Variants in LUZP2 observed in about 807,000 individuals in gnomAD.
LUZP2 encodes leucine zipper protein 2.
A neutral mutation model predicts 51.6 loss-of-function variants in LUZP2; 52 were observed. The ratio of observed to expected loss-of-function variants is 1.01; its 90% CI spans 0.81 to 1.27. The LOEUF (loss-of-function observed/expected upper bound fraction) is 1.27. Ranked by LOEUF, LUZP2 falls within the 50% of genes most tolerant of loss-of-function variation. The pLI, the probability that LUZP2 is intolerant of heterozygous loss-of-function variation, is 0.00. For synonymous variants in LUZP2, 154 were observed against 137.3 expected, an observed-to-expected ratio of 1.12 and a Z score of -0.85; for missense variants, 436 against 395.4, an observed-to-expected ratio of 1.10 and a Z score of -0.87.
chr11:24,817,925 G>C (rs1434202055), intron 5 of LUZP2, among the ~76,000 whole-genome samples: 1 of 151,978 alleles, frequency 6.6e-6, no homozygotes, highest in Admixed American at 6.6e-5. Context: ...CAAATATGTA[G>C]ATAATAAAAT....
intron 9 of LUZP2, among the ~76,000 whole-genome samples, chr11:24,992,105 T>C (rs1246627431): frequency 6.6e-6 from 1 of 152,002 alleles, no homozygotes; most frequent in Non-Finnish European, 1.5e-5. Context: ...TTATATGGCA[T>C]TTGTGAAAAA....
intron 1 of LUZP2, among the ~76,000 whole-genome samples, chr11:24,663,868 G>T (rs72880701): frequency 0.052 from 7,936 of 152,174 alleles, 336 homozygotes; most frequent in Non-Finnish European, 0.072. Context: ...GCCTTGTGAA[G>T]AAGGACATGT....
chr11:24,758,646 T>A (rs1437198372), intron 4 of LUZP2, among the ~76,000 whole-genome samples: 2 of 152,104 alleles, frequency 1.3e-5, no homozygotes, highest in Non-Finnish European at 2.9e-5. Flanking sequence ...AGATCACTGA[T>A]GCTCTCTCTC....
intron 1 of LUZP2, among the ~76,000 whole-genome samples, chr11:24,540,711 T>C (rs1851330620): frequency 6.6e-6 from 1 of 152,090 alleles, no homozygotes; most frequent in African/African-American, 2.4e-5. Flanking sequence ...AAGTTAACTC[T>C]GGAAAGATGG....
At chr11:24,764,489 C>CAAAAAAA (rs1565124723) in intron 5 of LUZP2, among the ~76,000 whole-genome samples, 52 of 56,404 alleles carry the variant, frequency 9.2e-4, no homozygotes, top group African/African-American at 2.0e-3. Context: ...AATCTCATCT[C>CAAAAAAA]TAAAAAAAAA....
intron 1 of LUZP2, among the ~76,000 whole-genome samples, chr11:24,552,116 T>C (rs1486663174): frequency 6.6e-6 from 1 of 152,008 alleles, no homozygotes; most frequent in Admixed American, 6.6e-5. Context: ...AAACATGATA[T>C]AGGGACATGA....
intron 1 of LUZP2, among the ~76,000 whole-genome samples, chr11:24,654,441 G>C (rs544395127): frequency 6.6e-6 from 1 of 151,770 alleles, no homozygotes; most frequent in South Asian, 2.1e-4. Flanking sequence ...TTTTCAGACA[G>C]GGTCTCACTC....
intron 1 of LUZP2, among the ~76,000 whole-genome samples, chr11:24,532,270 T>G (rs10834367): frequency 9.4e-5 from 13 of 138,944 alleles, no homozygotes; most frequent in Non-Finnish European, 1.6e-4. Context: ...TTTAAAAAAA[T>G]AAGAATAATT....
chr11:24,762,222 G>GATC (rs1293178937), intron 4 of LUZP2, among the ~76,000 whole-genome samples: 3 of 152,094 alleles, frequency 2.0e-5, no homozygotes, highest in Non-Finnish European at 4.4e-5. Flanking sequence ...TATCTTCAGA[G>GATC]ATCACCTGGA....
chr11:24,539,098 T>C (rs1056400041), intron 1 of LUZP2, among the ~76,000 whole-genome samples: 1 of 151,910 alleles, frequency 6.6e-6, no homozygotes, highest in African/African-American at 2.4e-5. Flanking sequence ...TCACTTTTTA[T>C]GTCATATGTT....
chr11:24,956,637 G>A (rs977086954), intron 7 of LUZP2, among the ~76,000 whole-genome samples: 4 of 152,074 alleles, frequency 2.6e-5, no homozygotes, highest in African/African-American at 7.2e-5. Flanking sequence ...ACTCATAAAT[G>A]AGTCATAGGT....
chr11:24,858,771 G>T (rs1356673254), intron 5 of LUZP2, among the ~76,000 whole-genome samples: 1 of 152,096 alleles, frequency 6.6e-6, no homozygotes, highest in African/African-American at 2.4e-5. Context: ...TGAAGAAAGG[G>T]TACAAACAAC....
At chr11:25,061,893 A>T (rs1257775145) in intron 10 of LUZP2, among the ~76,000 whole-genome samples, 13 of 152,104 alleles carry the variant, frequency 8.5e-5, no homozygotes, top group Admixed American at 8.5e-4. Flanking sequence ...TGAGTTTGAA[A>T]TTGATATGGA....
chr11:24,834,113 A>G (rs1850786507), intron 5 of LUZP2, among the ~76,000 whole-genome samples: 1 of 151,776 alleles, frequency 6.6e-6, no homozygotes, highest in Admixed American at 6.6e-5. Context: ...GTTCCAGTAT[A>G]CATGTGCAGA....
At chr11:24,631,908 G>A (rs1352791534) in intron 1 of LUZP2, among the ~76,000 whole-genome samples, 1 of 151,888 alleles carries the variant, frequency 6.6e-6, no homozygotes. Context: ...AATTAATACA[G>A]GAAAGAGGGC....
intron 3 of LUZP2, among the ~76,000 whole-genome samples, chr11:24,734,340 C>T (rs921205482): frequency 6.9e-6 from 1 of 144,934 alleles, no homozygotes; most frequent in African/African-American, 2.6e-5. Context: ...ATGTCTGATT[C>T]ACATGACACC....
rs548576685 is a variant in LUZP2 at position 24,502,631 on chromosome 11, G to A, written c.62+5326G>A. On this transcript the variant is annotated intron_variant, in intron 1 of 11. Coordinates refer to ENST00000336930, the MANE Select transcript of LUZP2 (RefSeq NM_001009909.4). ...GAACCCATGACCTCATGATCCACCC[G>A]CCTCTCGACCTGCCAAAGTGCTGGG... Among the ~76,000 whole-genome samples, 68 of 152,052 alleles carry A rather than the reference G, an allele frequency of 4.5e-4. No individual in the cohort carries two copies. The South Asian group carries it at 5.8e-3, about 13-fold the overall frequency.
chr11:24,637,378 T>C (rs1401421819), intron 1 of LUZP2, among the ~76,000 whole-genome samples: 1 of 151,838 alleles, frequency 6.6e-6, no homozygotes, highest in East Asian at 1.9e-4. Flanking sequence ...CTGTACAAAT[T>C]GTTGGTAAAA....
intron 5 of LUZP2, among the ~76,000 whole-genome samples, chr11:24,824,286 A>G (rs1351829824): frequency 1.4e-5 from 2 of 147,218 alleles, no homozygotes; most frequent in Non-Finnish European, 3.0e-5. Flanking sequence ...GAATAGCTTG[A>G]ACCCGGGAAG....
Sources: gnomAD v4.1 joint callset for allele counts (sites outside exome capture counted in the v4.1 genomes callset) on GRCh38, gnomAD v4.1.1 for gene constraint, MANE v1.5 for transcripts, NCBI Gene and HGNC (gene_info 2026-07-23, HGNC 2026-07-21) for gene names.